The following KHDRBS2 variants were observed in gnomAD, a reference collection of about 807,000 sequenced individuals.
The protein encoded by KHDRBS2 is KH domain-containing, RNA-binding, signal transduction-associated protein 2.
Under a neutral mutation model 44.3 loss-of-function variants are expected in KHDRBS2, and 26 were observed. The observed-to-expected ratio is 0.59, with a 90% confidence interval of 0.43 to 0.81. The LOEUF (loss-of-function observed/expected upper bound fraction) is 0.81, where lower values mean the gene tolerates loss of function less well. KHDRBS2 is among the 40% of genes least tolerant of loss of function. KHDRBS2 has a pLI of 0.00. For synonymous variants in KHDRBS2, 194 were observed against 151.1 expected, an observed-to-expected ratio of 1.28 and a Z score of -2.08; for missense variants, 476 against 433.1, an observed-to-expected ratio of 1.10 and a Z score of -0.88.
chr6:61,642,022 C>T, the KHDRBS2 span, among the ~76,000 whole-genome samples: 4 of 151,992 alleles, frequency 2.6e-5, no homozygotes, highest in East Asian at 3.9e-4. Context: ...GTTTGTATGC[C>T]GCCTGAGATT....
chr6:62,260,003 T>A (rs1247233137), intron 1 of KHDRBS2, among the ~76,000 whole-genome samples: 2 of 151,990 alleles, frequency 1.3e-5, no homozygotes, highest in Non-Finnish European at 2.9e-5. Context: ...ATGACGAGGA[T>A]CTTCCACTGC....
intron 7 of KHDRBS2, among the ~76,000 whole-genome samples, chr6:61,706,023 A>G (rs1481765279): frequency 6.6e-6 from 1 of 151,830 alleles, no homozygotes; most frequent in Non-Finnish European, 1.5e-5. Flanking sequence ...AGTGCCTGAC[A>G]CATAGTAAAT....
intron 6 of KHDRBS2, among the ~76,000 whole-genome samples, chr6:61,751,193 T>G (rs1465843865): frequency 6.6e-6 from 1 of 152,206 alleles, no homozygotes; most frequent in Non-Finnish European, 1.5e-5. Context: ...CTGATGTTCT[T>G]GACTATACCT....
intron 1 of KHDRBS2, among the ~76,000 whole-genome samples, chr6:62,241,775 TATC>T (rs1450578730): frequency 6.7e-6 from 1 of 148,512 alleles, no homozygotes; most frequent in African/African-American, 2.6e-5. Context: ...TAGCAATAAT[TATC>T]ATAATTATCC....
At chr6:61,802,800 GGC>G (rs2127590092) in intron 6 of KHDRBS2, among the ~76,000 whole-genome samples, 1 of 152,058 alleles carries the variant, frequency 6.6e-6, no homozygotes, top group African/African-American at 2.4e-5. Context: ...TCTACTTGTC[GGC>G]AAATCTCTCA....
In KHDRBS2 at chr6:62,177,922, A is replaced by G. The variant is rs1314348718; in HGVS notation, c.92-610T>C. ...AAGAAAAATATTAGAATATTACCAA[A>G]TTCGATATTTTGGAGCATACTTATC... On this transcript the variant is annotated intron_variant, in intron 1 of 8. Coordinates refer to ENST00000281156, the MANE Select transcript of KHDRBS2 (RefSeq NM_152688.4). Among the ~76,000 whole-genome samples, 10 of 151,504 alleles carry G rather than the reference A, an allele frequency of 6.6e-5. 1 individual carries two copies. In the South Asian group the frequency reaches 2.1e-3, roughly 31 times the overall value.
At chr6:62,131,862 G>A (rs1451780053) in intron 2 of KHDRBS2, among the ~76,000 whole-genome samples, 1 of 152,112 alleles carries the variant, frequency 6.6e-6, no homozygotes, top group Admixed American at 6.5e-5. Flanking sequence ...TTCAATGAAT[G>A]GTTTATACTT....
At chr6:61,961,547 G>A (rs1583813395) in intron 4 of KHDRBS2, among the ~76,000 whole-genome samples, 1 of 151,996 alleles carries the variant, frequency 6.6e-6, no homozygotes, top group African/African-American at 2.4e-5. Flanking sequence ...GTTTTAAGTA[G>A]GGTTGTTGGA....
chr6:62,285,558 C>G (rs1842369220), intron 1 of KHDRBS2, among the ~76,000 whole-genome samples: 1 of 152,198 alleles, frequency 6.6e-6, no homozygotes, highest in Non-Finnish European at 1.5e-5. Context: ...GAAAATGTCC[C>G]TGTAGACCGC....
chr6:62,106,656 C>A (rs544299908), intron 2 of KHDRBS2, among the ~76,000 whole-genome samples: 13 of 152,096 alleles, frequency 8.5e-5, no homozygotes, highest in African/African-American at 1.7e-4. Context: ...ACATTTTAGA[C>A]CAATATCCTT....
intron 7 of KHDRBS2, among the ~76,000 whole-genome samples, chr6:61,731,041 T>C (rs1216945446): frequency 3.3e-5 from 5 of 152,116 alleles, no homozygotes; most frequent in Non-Finnish European, 5.9e-5. Flanking sequence ...GGAATTATTT[T>C]AGTCTATTCT....
intron 6 of KHDRBS2, among the ~76,000 whole-genome samples, chr6:61,779,457 A>T (rs1782595981): frequency 6.6e-6 from 1 of 152,156 alleles, no homozygotes; most frequent in South Asian, 2.1e-4. Flanking sequence ...GTTCAAAAAA[A>T]CTTTTAATTA....
At chr6:61,865,571 A>C (rs1439190010) in intron 6 of KHDRBS2, among the ~76,000 whole-genome samples, 1 of 152,138 alleles carries the variant, frequency 6.6e-6, no homozygotes, top group African/African-American at 2.4e-5. Context: ...AACATGTGGG[A>C]ATTCAAGATG....
intron 2 of KHDRBS2, among the ~76,000 whole-genome samples, chr6:62,140,003 C>T (rs1192998246): frequency 6.6e-6 from 1 of 151,530 alleles, no homozygotes; most frequent in South Asian, 2.1e-4. Context: ...GTTAAAATAT[C>T]GTAAATGTCT....
intron 6 of KHDRBS2, among the ~76,000 whole-genome samples, chr6:61,861,168 G>A (rs1231619207): frequency 6.6e-6 from 1 of 152,042 alleles, no homozygotes; most frequent in Admixed American, 6.6e-5. Flanking sequence ...TAGATTATCT[G>A]CTTACTCTGT....
chr6:61,958,989 A>C (rs9453740), intron 4 of KHDRBS2, among the ~76,000 whole-genome samples: 52,089 of 152,052 alleles, frequency 0.34, 9,085 homozygotes, highest in Middle Eastern at 0.4. Flanking sequence ...AATGCACTTC[A>C]GTATCAATGG....
chr6:62,162,831 A>G (rs9354733), intron 2 of KHDRBS2, among the ~76,000 whole-genome samples: 12 of 151,722 alleles, frequency 7.9e-5, no homozygotes, highest in Non-Finnish European at 1.5e-4. Context: ...AGAGGAGTGA[A>G]GGGGGTGTCC....
intron 6 of KHDRBS2, among the ~76,000 whole-genome samples, chr6:61,772,489 C>T (rs562718055): frequency 8.5e-5 from 13 of 152,112 alleles, no homozygotes; most frequent in South Asian, 2.1e-4. Context: ...ATATCACCAC[C>T]GATCCCACAG....
intron 7 of KHDRBS2, among the ~76,000 whole-genome samples, chr6:61,709,988 T>C (rs1216581881): frequency 3.3e-5 from 5 of 151,704 alleles, no homozygotes; most frequent in African/African-American, 1.2e-4. Flanking sequence ...AGCTGTGTGT[T>C]AATAGTGATT....
Sources: gnomAD v4.1 joint callset for allele counts (sites outside exome capture counted in the v4.1 genomes callset) on GRCh38, gnomAD v4.1.1 for gene constraint, MANE v1.5 for transcripts, NCBI Gene and HGNC (gene_info 2026-07-23, HGNC 2026-07-21) for gene names.